Variants in TAF4 observed in about 807,000 individuals in gnomAD.
The protein encoded by TAF4 is transcription initiation factor TFIID subunit 4.
A neutral mutation model predicts 90.3 loss-of-function variants in TAF4; 9 were observed. The observed-to-expected ratio is 0.10, with a 90% CI of 0.06 to 0.17. The LOEUF is 0.17. Among genes scored for constraint, TAF4 ranks in the 10% least tolerant of loss-of-function variants. The probability of loss-of-function intolerance (pLI) is 1.00; values close to 1 mark genes in which losing one functional copy is unlikely to be tolerated. For missense variants in TAF4, 1,351 were observed against 1,370.7 expected, an observed-to-expected ratio of 0.99 and a Z score of 0.23; for synonymous variants, 818 against 638.9, an observed-to-expected ratio of 1.28 and a Z score of -4.23.
At chr20:62,040,754 C>T (rs894482787) in intron 1 of TAF4, among the ~76,000 whole-genome samples, 11 of 152,354 alleles carry the variant, frequency 7.2e-5, no homozygotes, top group Admixed American at 6.5e-4. Flanking sequence ...ATTCGCAGAG[C>T]CGCTCAGGAA....
intron 1 of TAF4, among the ~76,000 whole-genome samples, chr20:62,061,801 G>A (rs570967019): frequency 1.3e-5 from 2 of 152,304 alleles, no homozygotes; most frequent in Middle Eastern, 3.4e-3. Flanking sequence ...TCTAAACTCT[G>A]GCACCTCAAA....
At chr20:62,045,362 G>A (rs1399265437) in intron 1 of TAF4, among the ~76,000 whole-genome samples, 2 of 152,216 alleles carry the variant, frequency 1.3e-5, no homozygotes, top group African/African-American at 4.8e-5. Flanking sequence ...ACTCGCTTCA[G>A]GTGCTTGGTG....
In TAF4 at chr20:61,984,503, G is replaced by A. The variant is rs545158249; in HGVS notation, c.3091-8168C>T. Among the ~76,000 whole-genome samples, 3 of 152,350 alleles carry A rather than the reference G, an allele frequency of 2.0e-5. No individual in the cohort carries two copies. The East Asian group carries it at 5.8e-4, about 29-fold the overall frequency. The stretch of plus-strand genomic sequence containing the variant: ...CAGCCCAGATGTGCACACGAGAGAG[G>A]GTGAAAAGCTACGGGACATCAGCAG... On this transcript the variant is annotated intron_variant, in intron 14 of 14. Coordinates refer to ENST00000252996, the MANE Select transcript of TAF4 (RefSeq NM_003185.4).
Position 61,986,896 on chromosome 20 carries a change from C to T in TAF4, c.3091-10561G>A, listed in dbSNP as rs137891973. Among the ~76,000 whole-genome samples the T allele has an allele frequency of 3.6e-4, 55 of 152,346 alleles. No homozygotes were observed. In the East Asian group the frequency reaches 9.8e-3, roughly 27 times the overall value. On this transcript the variant is annotated intron_variant, in intron 14 of 14. Transcript: ENST00000252996. ...ACAGAAATAGAAAGTCAGCATCAGA[C>T]GCCACAGCAGCCTCCACTGGCAGCG...
At chr20:61,978,473 G>C (rs1209329648) in intron 14 of TAF4, among the ~76,000 whole-genome samples, 1 of 143,822 alleles carries the variant, frequency 7.0e-6, no homozygotes, top group Non-Finnish European at 1.5e-5. Flanking sequence ...CCAAGGGAGG[G>C]CGCGACACCA....
In TAF4 at chr20:61,978,631, A is replaced by AAGACGAACCAAGGCCGAGGGCG. The variant is rs1568919045; in HGVS notation, c.3091-2318_3091-2297dup. Among the ~76,000 whole-genome samples, 24 of 101,018 alleles carry AAGACGAACCAAGGCCGAGGGCG rather than the reference A, an allele frequency of 2.4e-4. 1 individual carries two copies. The highest frequency in any genetic ancestry group is 9.9e-4 in the African/African-American group (24 of 24,172). The allele number at this position is 101,018 out of a possible 152,430, so 66.3% of individuals were successfully genotyped here. On this transcript the variant is annotated intron_variant, in intron 14 of 14. Transcript: ENST00000252996. Reference sequence around the variant, plus strand: ...GGCGAGACCAACCAAGGCCGGGGGCAAGACGAACCAAGGCCGAGGGCGAGA... The same window carrying AAGACGAACCAAGGCCGAGGGCG: ...GGCGAGACCAACCAAGGCCGGGGGCAAGACGAACCAAGGCCGAGGGCGAGACGAACCAAGGCCGAGGGCGAGA...
Position 62,065,408 on chromosome 20 carries a change from C to A in TAF4, c.403G>T (p.Gly135Trp), listed in dbSNP as rs1233277038. The A allele has an allele frequency of 1.4e-4, 139 of 973,176 alleles. No individual in the cohort carries two copies. The highest frequency in any genetic ancestry group is 1.7e-4 in the Non-Finnish European group (136 of 823,754). 60.3% of individuals were successfully genotyped at this position (973,176 alleles called of 1,614,324 possible). ...GCGGCGGGCACCGGGGCGCAGGACC[C>A]CGCGCTGCCCTCGGGCGGCGGCCTC... ...KLRPPPEGSA[G>W]SCAPVPAAAA... Residue 135 changes from glycine to tryptophan, a missense_variant, in exon 1 of 15, where the codon GGG becomes TGG. Physicochemically the swap from Gly to Trp is radical, Grantham distance 184. Coordinates refer to ENST00000252996, the MANE Select transcript of TAF4 (RefSeq NM_003185.4).
chr20:61,993,383 G>C (rs1046383307), intron 14 of TAF4, among the ~76,000 whole-genome samples: 1 of 152,130 alleles, frequency 6.6e-6, no homozygotes, highest in African/African-American at 2.4e-5. Flanking sequence ...GGAACAGGCA[G>C]AACTGCACCA....
At position 62,052,148 on chromosome 20, in the gene TAF4, G is replaced by A. The variant is rs2056032276; in HGVS notation, c.1360+12303C>T. ...CAGGCCAACCAGCTCCAAGTGGGGTGCAGTAGCGGGGTGCAGGCTAAATGA... is the reference window on the plus strand; with the variant it reads ...CAGGCCAACCAGCTCCAAGTGGGGTACAGTAGCGGGGTGCAGGCTAAATGA... On this transcript the variant is annotated intron_variant, in intron 1 of 14. Coordinates refer to ENST00000252996, the MANE Select transcript of TAF4 (RefSeq NM_003185.4). Among the ~76,000 whole-genome samples, 4 of 152,098 alleles carry A rather than the reference G, an allele frequency of 2.6e-5. No individual in the cohort carries two copies. The South Asian group carries it at 8.3e-4, about 32-fold the overall frequency.
intron 9 of TAF4, among the ~76,000 whole-genome samples, chr20:62,001,076 C>T (rs185605389): frequency 1.3e-5 from 2 of 152,324 alleles, no homozygotes; most frequent in East Asian, 3.9e-4. Context: ...GCATTAAATT[C>T]TTTTTAAAGG....
chr20:62,065,249 TGCCAGG>T lies in TAF4; in HGVS notation c.556_561del (p.Pro186_Gly187del), dbSNP rs200074661. On this transcript the variant is annotated inframe_deletion, in exon 1 of 15. Coordinates refer to ENST00000252996, the MANE Select transcript of TAF4 (RefSeq NM_003185.4). ...TGCGCGGCGCCGGGGCCGGCGGGCT[TGCCAGG>T]GCCAGGGCCGGGGCCGGGGCCGGGG... 1,010,283 of 1,017,398 alleles carry T rather than the reference TGCCAGG, an allele frequency of 0.99. 501,657 individuals carry two copies. The highest frequency in any genetic ancestry group is 0.99 in the Non-Finnish European group (844,585 of 848,842). 63.0% of individuals were successfully genotyped at this position (1,017,398 alleles called of 1,614,324 possible).
chr20:62,008,830 C>T, intron 5 of TAF4: 3 of 474,594 alleles, frequency 6.3e-6, no homozygotes, highest in Non-Finnish European at 7.1e-6. Context: ...CCCGGGAGAC[C>T]TCCAGGCGCC....
intron 1 of TAF4, among the ~76,000 whole-genome samples, chr20:62,018,071 A>C (rs2055822553): frequency 6.6e-6 from 1 of 152,218 alleles, no homozygotes; most frequent in Admixed American, 6.5e-5. Context: ...ACAAGAAGTG[A>C]CCATGTGACT....
At position 62,010,021 on chromosome 20, in the gene TAF4, A is replaced by G. The variant is rs773672269; in HGVS notation, c.1761+25T>C. ...GCGCCACGGGCCTGACCGTCTTTGAAGGCACGGAAAGGAGTGGCTCTTACC... is the reference window on the plus strand; with the variant it reads ...GCGCCACGGGCCTGACCGTCTTTGAGGGCACGGAAAGGAGTGGCTCTTACC... On this transcript the variant is annotated intron_variant, in intron 4 of 14. Transcript: ENST00000252996. This position sits in a 1 kb window ranked among gnomAD's most constrained non-coding sequence, Gnocchi z 4.5. 1.5e-5 allele frequency: 24 copies of G among 1,611,920 alleles called. No homozygotes were observed. The highest frequency in any genetic ancestry group is 2.0e-5 in the Non-Finnish European group (24 of 1,179,814).
chr20:62,049,680 A>T (rs1406711067), intron 1 of TAF4, among the ~76,000 whole-genome samples: 1 of 145,890 alleles, frequency 6.9e-6, no homozygotes, highest in Non-Finnish European at 1.5e-5. Context: ...CCCCAGCCCA[A>T]CTCCCAACTC....
Position 62,010,416 on chromosome 20 carries a change from C to T in TAF4, c.1642-251G>A, listed in dbSNP as rs1383416233. Among the ~76,000 whole-genome samples the T allele has an allele frequency of 1.3e-5, 2 of 152,126 alleles. No individual in the cohort carries two copies. Among genetic ancestry groups the T allele is most frequent in the Non-Finnish European group, 2.9e-5 (2 of 68,024 alleles). On this transcript the variant is annotated intron_variant, in intron 3 of 14. Coordinates refer to ENST00000252996, the MANE Select transcript of TAF4 (RefSeq NM_003185.4). This position sits in a 1 kb window ranked among gnomAD's most constrained non-coding sequence, Gnocchi z 4.5. ...GATTTGCACCTGCATCAAAAACGGA[C>T]GTTCACAAAGCCAGGCACTGCAGAG...
intron 1 of TAF4, among the ~76,000 whole-genome samples, chr20:62,045,869 C>T (rs113244481): frequency 1.2e-3 from 184 of 152,346 alleles, no homozygotes; most frequent in Non-Finnish European, 2.0e-3. Flanking sequence ...CACACAGCTC[C>T]TCATTTGTGT....
chr20:62,065,310 G>A lies in TAF4; in HGVS notation c.501C>T (p.Ala167=), dbSNP rs1263687126. Residue 167 remains alanine, a synonymous_variant, in exon 1 of 15, where the codon GCC becomes GCT. Coordinates refer to ENST00000252996, the MANE Select transcript of TAF4 (RefSeq NM_003185.4). Reference sequence around the variant, plus strand: ...GCCCGGGGCCGGGGCCGGCGCGGGCGGCCAGCGCGGCGGGGCCGGCGGGCT... The same window carrying A: ...GCCCGGGGCCGGGGCCGGCGCGGGCAGCCAGCGCGGCGGGGCCGGCGGGCT... The part of the protein sequence containing the change: ...PAKPAGPAAL[A]ARAGPGPGPG... The A allele has an allele frequency of 1.3e-4, 124 of 921,862 alleles. 1 individual carries two copies. In the Middle Eastern group the frequency reaches 3.4e-3, roughly 26 times the overall value. 57.1% of individuals were successfully genotyped at this position (921,862 alleles called of 1,614,324 possible).
chr20:62,056,735 G>A (rs1415692482), intron 1 of TAF4, among the ~76,000 whole-genome samples: 1 of 152,156 alleles, frequency 6.6e-6, no homozygotes, highest in Admixed American at 6.5e-5. Context: ...TTAGCAGTCT[G>A]GGCCAGGTGA....
Sources: gnomAD v4.1 joint callset for allele counts (sites outside exome capture counted in the v4.1 genomes callset) on GRCh38, gnomAD v4.1.1 for gene constraint, Gnocchi (gnomAD v3.1) non-coding constraint, MANE v1.5 for transcripts, NCBI Gene and HGNC (gene_info 2026-07-23, HGNC 2026-07-21) for gene names.